Variants in SKAP2 observed in about 807,000 individuals in gnomAD.
The protein encoded by SKAP2 is src kinase associated phosphoprotein 2.
Under a neutral mutation model 54.9 loss-of-function variants are expected in SKAP2, and 28 were observed. The observed-to-expected ratio is 0.51, with a 90% CI of 0.38 to 0.70. The LOEUF is 0.70. Ranked by LOEUF, SKAP2 falls within the 30% of genes least tolerant of loss-of-function variation. The pLI is 0.00. For missense variants in SKAP2, 356 were observed against 424.1 expected (o/e 0.84, Z 1.41); for synonymous variants, 137 against 134.3 (o/e 1.02, Z -0.14).
chr7:26,788,640 A>G (rs1387028012), intron 4 of SKAP2, among the ~76,000 whole-genome samples: 2 of 152,240 alleles, frequency 1.3e-5, no homozygotes, highest in African/African-American at 4.8e-5. Flanking sequence ...AAAATCAGGT[A>G]AGAAAGCTGA....
At chr7:26,799,284 A>G (rs1218433357) in intron 4 of SKAP2, among the ~76,000 whole-genome samples, 1 of 77,012 alleles carries the variant, frequency 1.3e-5, no homozygotes, top group African/African-American at 4.1e-5. Flanking sequence ...GAATGGAAGA[A>G]AAAAAAAACC....
At chr7:26,656,473 G>A in the SKAP2 span, among the ~76,000 whole-genome samples, 2 of 152,108 alleles carry the variant, frequency 1.3e-5, no homozygotes, top group African/African-American at 4.8e-5. Context: ...TAATAACTTG[G>A]TTTCCTCTGG....
intron 3 of SKAP2, among the ~76,000 whole-genome samples, chr7:26,851,043 A>G (rs1785028761): frequency 1.3e-5 from 2 of 152,070 alleles, no homozygotes; most frequent in East Asian, 3.9e-4. Context: ...CTCACCCAAA[A>G]AAATGGAAAT....
At chr7:26,706,577 A>G (rs1035437187) in intron 9 of SKAP2, among the ~76,000 whole-genome samples, 2 of 152,164 alleles carry the variant, frequency 1.3e-5, no homozygotes, top group African/African-American at 4.8e-5. Flanking sequence ...ACTTCATGTG[A>G]TTTTTCCTGT....
At chr7:26,838,335 A>AT (rs1004866007) in intron 4 of SKAP2, among the ~76,000 whole-genome samples, 1 of 152,042 alleles carries the variant, frequency 6.6e-6, no homozygotes, top group Non-Finnish European at 1.5e-5. Context: ...GTCGTCACCC[A>AT]TATCTTCCCC....
chr7:26,797,385 A>T (rs1211529458), intron 4 of SKAP2, among the ~76,000 whole-genome samples: 1 of 152,178 alleles, frequency 6.6e-6, no homozygotes, highest in East Asian at 1.9e-4. Flanking sequence ...GTTTGGGAGA[A>T]ATTAAGGGAA....
At chr7:26,825,580 TA>T (rs3069884) in intron 4 of SKAP2, among the ~76,000 whole-genome samples, 8,222 of 129,018 alleles carry the variant, frequency 0.064, 416 homozygotes, top group East Asian at 0.3. Context: ...AGCAAACAGT[TA>T]AAAAAAAAAA....
chr7:26,677,613 C>A (rs749872400), intron 11 of SKAP2, among the ~76,000 whole-genome samples: 3 of 152,126 alleles, frequency 2.0e-5, no homozygotes, highest in Non-Finnish European at 4.4e-5. Flanking sequence ...TCCTATGAAT[C>A]TTTCATTACT....
downstream of SKAP2, among the ~76,000 whole-genome samples, chr7:26,663,496 C>A (rs1486180746): frequency 6.6e-6 from 1 of 152,074 alleles, no homozygotes; most frequent in Admixed American, 6.6e-5. Flanking sequence ...ATCAGATATT[C>A]CAATAAAAAT....
intron 4 of SKAP2, among the ~76,000 whole-genome samples, chr7:26,743,723 G>A (rs541956080): frequency 3.3e-5 from 5 of 152,116 alleles, no homozygotes; most frequent in Non-Finnish European, 7.4e-5. Flanking sequence ...CATTAAAATC[G>A]ACACCCTACA....
chr7:26,797,557 C>T (rs534306494), intron 4 of SKAP2, among the ~76,000 whole-genome samples: 1 of 152,152 alleles, frequency 6.6e-6, no homozygotes, highest in East Asian at 1.9e-4. Context: ...TGAAAGTCTT[C>T]CCAAGAAGGA....
Position 26,732,056 on chromosome 7 carries a change from T to A in SKAP2, c.470-5050A>T, listed in dbSNP as rs527786695. Reference sequence around the variant, plus strand: ...ATTTATTATTTGGGGCTCCCCAGCATCCATGCATCTTTCCTATTTTAATTC... The same window carrying A: ...ATTTATTATTTGGGGCTCCCCAGCAACCATGCATCTTTCCTATTTTAATTC... On this transcript the variant is annotated intron_variant, in intron 6 of 12. Coordinates refer to ENST00000345317, the MANE Select transcript of SKAP2 (RefSeq NM_003930.5). Among the ~76,000 whole-genome samples, 5 of 152,348 alleles carry A rather than the reference T, an allele frequency of 3.3e-5. No individual in the cohort carries two copies. The East Asian group carries it at 9.6e-4, about 29-fold the overall frequency.
At chr7:26,708,463 T>A (rs1036414638) in intron 9 of SKAP2, among the ~76,000 whole-genome samples, 1 of 152,222 alleles carries the variant, frequency 6.6e-6, no homozygotes, top group Non-Finnish European at 1.5e-5. Flanking sequence ...TTCATGAATA[T>A]GAACTCCCGT....
At chr7:26,738,747 A>G in intron 6 of SKAP2, 48 bp downstream of exon 6, 1 of 1,124,656 alleles carries the variant, frequency 8.9e-7, no homozygotes, top group Non-Finnish European at 1.4e-6. Context: ...AGGGATGGCC[A>G]AAAATTCTTT....
chr7:26,666,499 T>C (rs1253308810), downstream of SKAP2, among the ~76,000 whole-genome samples: 1 of 152,136 alleles, frequency 6.6e-6, no homozygotes, highest in Non-Finnish European at 1.5e-5. Context: ...TAAGAAACAG[T>C]TGAATGGATG....
chr7:26,747,203 G>A (rs1409348091), intron 4 of SKAP2, among the ~76,000 whole-genome samples: 3 of 152,088 alleles, frequency 2.0e-5, no homozygotes, highest in Non-Finnish European at 4.4e-5. Context: ...TTCTTCAGAA[G>A]AGATTCACCA....
chr7:26,700,009 T>G (rs1221727479), intron 9 of SKAP2, among the ~76,000 whole-genome samples: 1 of 152,202 alleles, frequency 6.6e-6, no homozygotes, highest in Non-Finnish European at 1.5e-5. Flanking sequence ...CAACTAGATT[T>G]TTGGAGCAAG....
intron 4 of SKAP2, among the ~76,000 whole-genome samples, chr7:26,757,306 G>T (rs1301886894): frequency 2.0e-5 from 3 of 152,146 alleles, no homozygotes; most frequent in Non-Finnish European, 4.4e-5. Context: ...ATGGTTTTAG[G>T]TCTAACATTT....
rs1050690124 is a variant in SKAP2, at chr7:26,694,402, C to G, written c.797-4040G>C. 5.9e-5 allele frequency among the ~76,000 whole-genome samples: 9 copies of G among 151,906 alleles called. No individual in the cohort carries two copies. The East Asian group carries it at 1.7e-3, about 29-fold the overall frequency. ...CATGCCTCTCAGCTGCAGCACAAAA[C>G]TCTTCAACATGTGAAGTTATTATTC... On this transcript the variant is annotated intron_variant, in intron 9 of 12. Transcript: ENST00000345317.
Sources: gnomAD v4.1 joint callset for allele counts (sites outside exome capture counted in the v4.1 genomes callset) on GRCh38, gnomAD v4.1.1 for gene constraint, MANE v1.5 for transcripts, NCBI Gene and HGNC (gene_info 2026-07-23, HGNC 2026-07-21) for gene names.